The following ATP13A4 variants were observed in gnomAD, a reference collection of about 807,000 sequenced individuals.
The protein encoded by ATP13A4 is probable cation-transporting ATPase 13A4.
ATP13A4 carries 114 observed loss-of-function variants against 142.5 expected under a neutral mutation model. That is an observed-to-expected ratio of 0.80 (90% CI 0.69 to 0.93). The LOEUF is 0.93. ATP13A4 is among the 40% of genes least tolerant of loss of function. ATP13A4 has a pLI of 0.00. For missense variants in ATP13A4, 1,392 were observed against 1,454.0 expected, an observed-to-expected ratio of 0.96 and a Z score of 0.69; for synonymous variants, 488 against 514.8, an observed-to-expected ratio of 0.95 and a Z score of 0.70.
intron 1 of ATP13A4, among the ~76,000 whole-genome samples, chr3:193,551,283 T>C (rs997203880): frequency 6.6e-6 from 1 of 152,098 alleles, no homozygotes; most frequent in South Asian, 2.1e-4. Context: ...CATGGTGGCA[T>C]GCAGCTGTAG....
intron 25 of ATP13A4, among the ~76,000 whole-genome samples, chr3:193,426,469 T>C (rs759262094): frequency 1.1e-4 from 16 of 151,986 alleles, no homozygotes; most frequent in Non-Finnish European, 2.1e-4. Flanking sequence ...ATGCAATCTC[T>C]ATCAAAATTT....
Position 193,514,869 on chromosome 3 carries a change from C to A in ATP13A4, c.63G>T (p.Glu21Asp). The change falls in exon 2 of 30, where the codon GAG (glutamate) becomes GAT (aspartate). Residue 21 changes from glutamate to aspartate, a missense_variant and splice_region_variant. By Grantham distance (45) the Glu-to-Asp change is conservative (BLOSUM62 2). Coordinates refer to ENST00000342695, the MANE Select transcript of ATP13A4 (RefSeq NM_032279.4). ...LLNEGEENEM[E>D]IFGYRTQGCR... ...AGCCTTGAGTCCGATAGCCAAATAT[C>A]TCCTGGGACAGAATCAAAATGATAC... is the stretch of plus-strand genomic sequence containing the variant. 1 of 1,613,980 alleles carries A rather than the reference C, an allele frequency of 6.2e-7. No homozygotes were observed.
At chr3:193,460,895 CT>C (rs1045859997) in intron 13 of ATP13A4, among the ~76,000 whole-genome samples, 1 of 152,100 alleles carries the variant, frequency 6.6e-6, no homozygotes, top group Non-Finnish European at 1.5e-5. Context: ...ACAATCAGGG[CT>C]TTTTGGAAAG....
At chr3:193,539,363 G>A (rs1212789621) in intron 1 of ATP13A4, among the ~76,000 whole-genome samples, 1 of 152,158 alleles carries the variant, frequency 6.6e-6, no homozygotes, top group East Asian at 1.9e-4. Context: ...CTACCAAGGC[G>A]TTCCTGCAGC....
chr3:193,539,501 G>A (rs1002006883), intron 1 of ATP13A4, among the ~76,000 whole-genome samples: 1 of 152,210 alleles, frequency 6.6e-6, no homozygotes, highest in African/African-American at 2.4e-5. Context: ...AAACCTGGCT[G>A]GAGAAAGAAT....
At chr3:193,548,234 C>T (rs1232666874) in intron 1 of ATP13A4, among the ~76,000 whole-genome samples, 4 of 152,168 alleles carry the variant, frequency 2.6e-5, no homozygotes, top group African/African-American at 9.7e-5. Flanking sequence ...TTGAGCTCTG[C>T]TGCATCCCTG....
At chr3:193,465,913 G>A (rs2108643571) in intron 11 of ATP13A4, 112 bp downstream of exon 11, 2 of 1,377,312 alleles carry the variant, frequency 1.5e-6, no homozygotes. Context: ...TCAGTGCTTG[G>A]TTTTGTTTCC....
At position 193,412,472 on chromosome 3, in the gene ATP13A4, A is replaced by C. The variant is rs181366492; in HGVS notation, c.3015-101T>G. 1.3e-5 allele frequency: 13 copies of C among 988,734 alleles called. No homozygotes were observed. The Admixed American group carries it at 1.7e-4, about 13-fold the overall frequency. The allele number at this position is 988,734 out of a possible 1,614,324, so 61.2% of individuals were successfully genotyped here. On this transcript the variant is annotated intron_variant, in intron 26 of 29. Coordinates refer to ENST00000342695, the MANE Select transcript of ATP13A4 (RefSeq NM_032279.4). Reference sequence around the variant, plus strand: ...ATACCAAACAGTGTCCAGAGCAGGCACTCAATGCTTCTACAATTGCCTGTG... The same window carrying C: ...ATACCAAACAGTGTCCAGAGCAGGCCCTCAATGCTTCTACAATTGCCTGTG...
At chr3:193,412,137 C>G in intron 27 of ATP13A4, 41 bp downstream of exon 27, 1 of 1,535,754 alleles carries the variant, frequency 6.5e-7, no homozygotes, top group Non-Finnish European at 9.0e-7. Context: ...GTTCCCCTCT[C>G]TGATGACTTC....
chr3:193,541,901 A>T (rs1450445033), intron 1 of ATP13A4, among the ~76,000 whole-genome samples: 1 of 152,224 alleles, frequency 6.6e-6, no homozygotes, highest in African/African-American at 2.4e-5. Context: ...GTACCTGGGG[A>T]TGTGTAATCC....
intron 2 of ATP13A4, among the ~76,000 whole-genome samples, chr3:193,565,713 T>A (rs1724117474): frequency 6.6e-6 from 1 of 152,156 alleles, no homozygotes; most frequent in Non-Finnish European, 1.5e-5. Context: ...TGCAGAGAGC[T>A]CCTTCCCCAG....
At chr3:193,419,322 T>C (rs1159183759) in intron 25 of ATP13A4, among the ~76,000 whole-genome samples, 1 of 150,244 alleles carries the variant, frequency 6.7e-6, no homozygotes. Context: ...GAGCTTGAGA[T>C]GACGCTGTGC....
At chr3:193,402,937 C>G in intron 29 of ATP13A4, 73 bp from the exon 30 acceptor site, 1 of 1,329,708 alleles carries the variant, frequency 7.5e-7, no homozygotes, top group Non-Finnish European at 1.1e-6. Context: ...CACAGGCCAT[C>G]ATAAGTCACT....
chr3:193,409,513 A>G (rs927280494), intron 28 of ATP13A4, among the ~76,000 whole-genome samples: 1 of 152,224 alleles, frequency 6.6e-6, no homozygotes, highest in African/African-American at 2.4e-5. Flanking sequence ...ATCTTCTTCT[A>G]TTAAAAAGTG....
intron 2 of ATP13A4, among the ~76,000 whole-genome samples, chr3:193,566,998 G>A (rs929994744): frequency 2.6e-5 from 4 of 151,962 alleles, no homozygotes; most frequent in Non-Finnish European, 4.4e-5. Context: ...AGATACTTTC[G>A]TTATTACCAC....
chr3:193,592,398 T>C (rs1724844934), intron 1 of ATP13A4, among the ~76,000 whole-genome samples: 1 of 151,992 alleles, frequency 6.6e-6, no homozygotes, highest in Non-Finnish European at 1.5e-5. Flanking sequence ...AGGGGAGCCA[T>C]CAAAGAAGCC....
intron 12 of ATP13A4, among the ~76,000 whole-genome samples, 197 bp from the exon 13 acceptor site, chr3:193,463,020 C>A (rs1355716745): frequency 1.3e-5 from 2 of 151,962 alleles, no homozygotes; most frequent in Admixed American, 1.3e-4. Context: ...ATAGCGAAGA[C>A]TCCGTAGTGC....
chr3:193,497,673 T>C (rs533622613), intron 3 of ATP13A4, among the ~76,000 whole-genome samples: 4 of 152,306 alleles, frequency 2.6e-5, no homozygotes, highest in Admixed American at 2.6e-4. Context: ...CCTAAGGGTC[T>C]ATCAATGGAT....
chr3:193,530,074 T>C (rs1390255365), intron 1 of ATP13A4, among the ~76,000 whole-genome samples: 1 of 152,190 alleles, frequency 6.6e-6, no homozygotes, highest in East Asian at 1.9e-4. Context: ...TCTCTCATTT[T>C]CCTCAGTTTA....
Sources: gnomAD v4.1 joint callset for allele counts (sites outside exome capture counted in the v4.1 genomes callset) on GRCh38, gnomAD v4.1.1 for gene constraint, MANE v1.5 for transcripts, NCBI Gene and HGNC (gene_info 2026-07-23, HGNC 2026-07-21) for gene names.